Variants in CBL observed in about 807,000 individuals in gnomAD.
CBL encodes the protein Cbl proto-oncogene, also known as E3 ubiquitin-protein ligase CBL.
Under a neutral mutation model 96.9 loss-of-function variants are expected in CBL, and 45 were observed. The ratio of observed to expected loss-of-function variants is 0.46; its 90% CI spans 0.37 to 0.60. CBL has a LOEUF of 0.60. CBL is among the 20% of genes least tolerant of loss of function. The pLI is 0.00. For missense variants in CBL, 1,024 were observed against 1,143.5 expected, an observed-to-expected ratio of 0.90 and a Z score of 1.51; for synonymous variants, 420 against 426.8, an observed-to-expected ratio of 0.98 and a Z score of 0.20.
At chr11:119,275,092 C>G (rs940612874) in intron 5 of CBL, 139 bp downstream of exon 5, 47 of 848,706 alleles carry the variant, frequency 5.5e-5, no homozygotes, top group South Asian at 5.1e-4. Flanking sequence ...GTTTATCAGA[C>G]GTATTGACTT....
intron 7 of CBL, 59 bp downstream of exon 7, chr11:119,277,903 A>T: frequency 2.5e-6 from 3 of 1,183,316 alleles, no homozygotes; most frequent in Non-Finnish European, 3.8e-6. Context: ...TATATTCTTT[A>T]TAGAACTGAC....
chr11:119,221,129 T>C (rs1213809234), intron 1 of CBL, among the ~76,000 whole-genome samples: 2 of 151,722 alleles, frequency 1.3e-5, no homozygotes, highest in African/African-American at 2.4e-5. Context: ...CTGTAGTCTC[T>C]GCTACTTGGG....
At position 119,277,812 on chromosome 11, in the gene CBL, C is replaced by A. The variant is rs2135302981; in HGVS notation, c.1063C>A (p.Pro355Thr). Residue 355 changes from proline (P) to threonine (T), a missense_variant, in exon 7 of 16, where the codon CCA (proline) becomes ACA (threonine). Physicochemically the swap from Pro to Thr is conservative, Grantham distance 38. This residue lies in a region of CBL where 695 missense variants were observed against 661.6 expected (regional missense o/e 1.05). Coordinates refer to ENST00000264033, the MANE Select transcript of CBL (RefSeq NM_005188.4). Reference protein sequence around the residue: ...QNPDLTGLCEPTPQDHIKVTQ... With the variant: ...QNPDLTGLCETTPQDHIKVTQ... The stretch of plus-strand genomic sequence containing the variant: ...TCCTGATCTGACTGGCTTATGTGAA[C>A]CAACTCCCCAAGACCATATCAAAGT... 1.2e-6 allele frequency: 2 copies of A among 1,613,780 alleles called. No individual in the cohort carries two copies. Among genetic ancestry groups the A allele is most frequent in the Non-Finnish European group, 1.7e-6 (2 of 1,179,690 alleles).
chr11:119,278,300 A>G lies in CBL; in HGVS notation c.1227+3A>G, dbSNP rs781769958. ...CATCCTGTCTTACATCCTGGCAGGT[A>G]CGGATCTAAACAGCGACTTTTTTCA... On this transcript the variant is annotated splice_donor_region_variant and intron_variant, in intron 8 of 15. Transcript: ENST00000264033. 6.2e-7 allele frequency: 1 copy of G among 1,614,056 alleles called. No individual in the cohort carries two copies. Among genetic ancestry groups the G allele is most frequent in the Non-Finnish European group, 8.5e-7 (1 of 1,179,922 alleles).
At chr11:119,259,841 G>A (rs1437090800) in intron 2 of CBL, among the ~76,000 whole-genome samples, 1 of 152,174 alleles carries the variant, frequency 6.6e-6, no homozygotes, top group Non-Finnish European at 1.5e-5. Context: ...CCTGTCACAT[G>A]GATTTATTCT....
intron 3 of CBL, among the ~76,000 whole-genome samples, chr11:119,273,269 T>A (rs557961177): frequency 6.6e-6 from 1 of 152,136 alleles, no homozygotes. Context: ...AGTTTCTCTT[T>A]AAAGGCCTTC....
chr11:119,246,265 G>A (rs1039857770), intron 2 of CBL, among the ~76,000 whole-genome samples: 1 of 151,874 alleles, frequency 6.6e-6, no homozygotes, highest in South Asian at 2.1e-4. Flanking sequence ...GAACCACCGC[G>A]CCCGGCCTTA....
At chr11:119,291,375 A>G (rs1369869147) in intron 12 of CBL, among the ~76,000 whole-genome samples, 4 of 152,174 alleles carry the variant, frequency 2.6e-5, no homozygotes, top group Admixed American at 6.5e-5. Flanking sequence ...ACAGAGCACG[A>G]CCCTGTCTCA....
At chr11:119,268,796 G>T (rs980352684) in intron 2 of CBL, among the ~76,000 whole-genome samples, 2 of 152,218 alleles carry the variant, frequency 1.3e-5, no homozygotes, top group Admixed American at 6.5e-5. Flanking sequence ...AGGCAAGATC[G>T]TGTTCAGGAA....
intron 12 of CBL, among the ~76,000 whole-genome samples, chr11:119,290,850 T>C (rs1471842000): frequency 1.3e-5 from 2 of 151,390 alleles, no homozygotes; most frequent in Non-Finnish European, 2.9e-5. Flanking sequence ...TTTATTTTTT[T>C]ATTTTTTAGT....
intron 4 of CBL, among the ~76,000 whole-genome samples, 192 bp downstream of exon 4, chr11:119,274,216 AT>A (rs1949871110): frequency 6.6e-6 from 1 of 152,056 alleles, no homozygotes; most frequent in South Asian, 2.1e-4. Context: ...GTGTATGTAT[AT>A]ATAGTGAAAA....
intron 1 of CBL, among the ~76,000 whole-genome samples, chr11:119,212,663 T>A (rs978226738): frequency 2.0e-5 from 3 of 151,808 alleles, no homozygotes; most frequent in Non-Finnish European, 4.4e-5. Context: ...AATAAATAAA[T>A]AAATAAATTT....
Position 119,302,123 on chromosome 11 carries a change from G to A in CBL, c.*2342G>A, listed in dbSNP as rs893250613. ...GTCCTGTGTGGCTCTTTGAATCAGC[G>A]TGAAACTGAGGCTCCAGCTCCCTGT... On this transcript the variant is annotated 3_prime_UTR_variant, in exon 16 of 16. Transcript: ENST00000264033. 2.1e-5 allele frequency: 5 copies of A among 232,796 alleles called. No homozygotes were observed. Among genetic ancestry groups the A allele is most frequent in the East Asian group, 6.0e-5 (1 of 16,544 alleles). 14.4% of individuals were successfully genotyped at this position (232,796 alleles called of 1,614,324 possible).
rs758265494 is a variant in CBL, at chr11:119,285,149, A to G, written c.1564-40A>G. On this transcript the variant is annotated intron_variant, in intron 10 of 15. Transcript: ENST00000264033. ...GTTTTTGGATTCTTTGCTGTGTACT[A>G]GTGGGTTTTTACTGATTTGCTTTCA... is the stretch of plus-strand genomic sequence containing the variant. 5.4e-5 allele frequency: 87 copies of G among 1,613,952 alleles called. 1 individual carries two copies. Among genetic ancestry groups the G allele is most frequent in the Non-Finnish European group, 7.2e-5 (85 of 1,180,046 alleles).
Position 119,301,792 on chromosome 11 carries a change from C to T in CBL, c.*2011C>T. The T allele has an allele frequency of 4.3e-6, 1 of 233,226 alleles. No individual in the cohort carries two copies. The highest frequency in any genetic ancestry group is 6.0e-5 in the East Asian group (1 of 16,590). 14.4% of individuals were successfully genotyped at this position (233,226 alleles called of 1,614,324 possible). A position where few individuals can be genotyped will look rare whatever the true frequency, so the allele number is the denominator to read the frequency against. On this transcript the variant is annotated 3_prime_UTR_variant, in exon 16 of 16. Transcript: ENST00000264033. ...GAGGAAGATGGCAGTGAATATCAAA[C>T]AGTAGACCGCCATCAACTTCTAACA...
intron 12 of CBL, among the ~76,000 whole-genome samples, chr11:119,290,246 A>G (rs916096756): frequency 4.6e-5 from 7 of 150,770 alleles, no homozygotes; most frequent in African/African-American, 1.7e-4. Context: ...GGGTTTTGCC[A>G]TGTTGCCCAG....
intron 1 of CBL, among the ~76,000 whole-genome samples, chr11:119,210,433 G>C (rs140831018): frequency 6.6e-6 from 1 of 151,870 alleles, no homozygotes; most frequent in African/African-American, 2.4e-5. Flanking sequence ...GTTTAATTTA[G>C]TAAGAGACTT....
At chr11:119,296,756 T>G (rs1347314185) in intron 12 of CBL, among the ~76,000 whole-genome samples, 162 bp from the exon 13 acceptor site, 2 of 152,258 alleles carry the variant, frequency 1.3e-5, no homozygotes, top group Non-Finnish European at 2.9e-5. Context: ...AGTGTACTTT[T>G]GCTAATTACT....
At chr11:119,286,660 C>G (rs938258587) in intron 11 of CBL, among the ~76,000 whole-genome samples, 1 of 152,092 alleles carries the variant, frequency 6.6e-6, no homozygotes, top group Non-Finnish European at 1.5e-5. Flanking sequence ...TGAATACCCT[C>G]TCCCAAAAGA....
Sources: allele counts gnomAD v4.1 joint callset (sites outside exome capture counted in the v4.1 genomes callset), GRCh38; gene constraint gnomAD v4.1.1; regional missense constraint gnomAD v4.1.1; transcripts MANE v1.5; gene names NCBI Gene and HGNC (gene_info 2026-07-23, HGNC 2026-07-21).